TMC7: variants seen among roughly 807,000 people sequenced by gnomAD.
The protein encoded by TMC7 is transmembrane channel like 7, also known as transmembrane channel-like protein 7.
Under a neutral mutation model 82.9 loss-of-function variants are expected in TMC7, and 54 were observed. The ratio of observed to expected loss-of-function variants is 0.65; its 90% CI spans 0.52 to 0.82. The LOEUF is 0.82. TMC7 is among the 40% of genes least tolerant of loss of function. TMC7 has a pLI of 0.00. For missense variants in TMC7, 820 were observed against 901.2 expected (o/e 0.91, Z 1.15); for synonymous variants, 350 against 337.9 (o/e 1.04, Z -0.39).
chr16:19,023,823 A>AC lies in TMC7; in HGVS notation c.711+631dup, dbSNP rs1960099022. Among the ~76,000 whole-genome samples the AC allele has an allele frequency of 4.6e-5, 7 of 152,292 alleles. No homozygotes were observed. The South Asian group carries it at 1.4e-3, about 32-fold the overall frequency. ...CAGAAAGAAGCTTCAGTGAAAATGA[A>AC]CCCAGATAGAATGTTTACAATTTCT... is the stretch of plus-strand genomic sequence containing the variant. On this transcript the variant is annotated intron_variant, in intron 5 of 15. Coordinates refer to ENST00000304381, the MANE Select transcript of TMC7 (RefSeq NM_024847.4).
At chr16:18,997,152 A>T (rs1240863102) in intron 1 of TMC7, among the ~76,000 whole-genome samples, 1 of 152,142 alleles carries the variant, frequency 6.6e-6, no homozygotes, top group East Asian at 1.9e-4. Context: ...AGGACAGGGG[A>T]CCGGTCTCCC....
At chr16:18,991,789 A>G (rs1484553102) in intron 1 of TMC7, among the ~76,000 whole-genome samples, 1 of 151,692 alleles carries the variant, frequency 6.6e-6, no homozygotes, top group Admixed American at 6.6e-5. Context: ...TCTGTGTCCA[A>G]GTGTTCTCAT....
At chr16:18,992,107 T>C (rs1370192050) in intron 1 of TMC7, among the ~76,000 whole-genome samples, 1 of 152,228 alleles carries the variant, frequency 6.6e-6, no homozygotes, top group Admixed American at 6.6e-5. Context: ...TTTGGGTATA[T>C]ACCCAGTAAT....
intron 1 of TMC7, among the ~76,000 whole-genome samples, chr16:18,992,697 C>T (rs149755326): frequency 0.53 from 80,770 of 151,912 alleles, 22,135 homozygotes; most frequent in East Asian, 0.76. Context: ...AATGGTATTG[C>T]CTAGGTTTTC....
rs770403005 is a variant in TMC7, at chr16:18,984,148, G to A, written c.67+18G>A. On this transcript the variant is annotated intron_variant, in intron 1 of 15. Coordinates refer to ENST00000304381, the MANE Select transcript of TMC7 (RefSeq NM_024847.4). ...CCATCCAGGTAGGGCGGCAGGGAGC[G>A]CGCGCGGGGACGGTGCCCCTGGGGT... The A allele has an allele frequency of 1.3e-6, 2 of 1,489,344 alleles. No individual in the cohort carries two copies. Among genetic ancestry groups the A allele is most frequent in the South Asian group, 1.3e-5 (1 of 78,674 alleles). The allele number at this position is 1,489,344 out of a possible 1,614,324, so 92.3% of individuals were successfully genotyped here.
At chr16:18,998,753 CA>C (rs36110318) in intron 1 of TMC7, among the ~76,000 whole-genome samples, 89,381 of 145,728 alleles carry the variant, frequency 0.61, 27,288 homozygotes, top group East Asian at 0.81. Flanking sequence ...GACTCTGTCT[CA>C]AAAAAAAAAA....
chr16:18,984,342 G>A (rs1245291821), intron 1 of TMC7: 7 of 1,298,278 alleles, frequency 5.4e-6, no homozygotes, highest in Non-Finnish European at 5.8e-6. Context: ...GTGGAACCCA[G>A]CCGGGCCAAA....
At chr16:19,017,403 T>G (rs1959750194) in intron 3 of TMC7, among the ~76,000 whole-genome samples, 1 of 149,520 alleles carries the variant, frequency 6.7e-6, no homozygotes, top group East Asian at 1.9e-4. Context: ...ATTATAATAT[T>G]TTAATATTAG....
intron 8 of TMC7, among the ~76,000 whole-genome samples, chr16:19,039,114 A>C (rs1365430644): frequency 1.5e-5 from 2 of 135,788 alleles, no homozygotes; most frequent in African/African-American, 5.6e-5. Context: ...TTTTTGAGAC[A>C]GAGTCTCACT....
In TMC7 at chr16:19,051,828, T is replaced by A; in HGVS notation, c.1871+12T>A. 1 of 1,613,842 alleles carries A rather than the reference T, an allele frequency of 6.2e-7. No homozygotes were observed. The highest frequency in any genetic ancestry group is 1.7e-5 in the Admixed American group (1 of 59,988). ...ATCAGCATATCACGGTAAATGTGACTTTGTTTTCTAGAACATTTCATTGCT... is the reference window on the plus strand; with the variant it reads ...ATCAGCATATCACGGTAAATGTGACATTGTTTTCTAGAACATTTCATTGCT... On this transcript the variant is annotated intron_variant, in intron 13 of 15. Transcript: ENST00000304381.
intron 12 of TMC7, 127 bp from the exon 13 acceptor site, chr16:19,051,559 T>A: frequency 9.2e-7 from 1 of 1,085,802 alleles, no homozygotes; most frequent in Non-Finnish European, 1.3e-6. Flanking sequence ...TTGATCTGTA[T>A]TGCTGGACTA....
chr16:18,986,817 T>C (rs1182720761), intron 1 of TMC7, among the ~76,000 whole-genome samples: 1 of 151,988 alleles, frequency 6.6e-6, no homozygotes, highest in Non-Finnish European at 1.5e-5. Flanking sequence ...CTTTTTTTTT[T>C]TCTTTGAGAT....
chr16:19,000,148 C>T (rs527768071), intron 1 of TMC7, among the ~76,000 whole-genome samples: 5 of 152,078 alleles, frequency 3.3e-5, no homozygotes, highest in African/African-American at 1.2e-4. Flanking sequence ...ATCTGGACAC[C>T]CTCCCTCCAC....
At chr16:19,003,856 CA>C (rs2039186053) in intron 1 of TMC7, among the ~76,000 whole-genome samples, 1 of 107,628 alleles carries the variant, frequency 9.3e-6, no homozygotes, top group East Asian at 2.5e-4. Flanking sequence ...GAGTCATCAC[CA>C]ATCCCTAATC....
chr16:19,021,502 A>T (rs1185631558), intron 3 of TMC7, 127 bp from the exon 4 acceptor site: 1 of 1,044,128 alleles, frequency 9.6e-7, no homozygotes, highest in Non-Finnish European at 1.4e-6. Flanking sequence ...ATTGAGAAAA[A>T]AATAAAACGT....
intron 8 of TMC7, 67 bp downstream of exon 8, chr16:19,038,114 A>G (rs1960843643): frequency 6.8e-7 from 1 of 1,464,826 alleles, no homozygotes; most frequent in African/African-American, 1.4e-5. Flanking sequence ...GGTAGATACC[A>G]TCGTCATTTC....
Position 19,040,414 on chromosome 16 carries a change from TC to T in TMC7, c.1307del (p.Pro436GlnfsTer7). On this transcript the variant is annotated frameshift_variant, in exon 9 of 16. Coordinates refer to ENST00000304381, the MANE Select transcript of TMC7 (RefSeq NM_024847.4). LOFTEE classifies it high-confidence loss of function. Reference protein sequence around the residue: ...AKIIRYEDYSPGFEIRLTILR... With the variant: ...AKIIRYEDYSXGFEIRLTILR... ...AGATCATCCGCTATGAGGATTATTC[TC>T]CAGGCTTTGAGATCCGTCTGACAAT... 6.2e-7 allele frequency: 1 copy of T among 1,613,040 alleles called. No homozygotes were observed. The highest frequency in any genetic ancestry group is 1.3e-5 in the African/African-American group (1 of 75,002).
chr16:19,008,790 A>G (rs2039285235), intron 1 of TMC7, among the ~76,000 whole-genome samples: 1 of 152,106 alleles, frequency 6.6e-6, no homozygotes, highest in African/African-American at 2.4e-5. Context: ...ACATTACTAT[A>G]CCCTACACTG....
chr16:19,060,729 T>TA (rs759574369), intron 15 of TMC7, among the ~76,000 whole-genome samples: 101 of 151,574 alleles, frequency 6.7e-4, no homozygotes, highest in Non-Finnish European at 1.2e-3. Context: ...GGGCTCTGTT[T>TA]AGAGTTTTAT....
Sources: allele counts gnomAD v4.1 joint callset (sites outside exome capture counted in the v4.1 genomes callset), GRCh38; gene constraint gnomAD v4.1.1; transcripts MANE v1.5; gene names NCBI Gene and HGNC (gene_info 2026-07-23, HGNC 2026-07-21).